ABCB7: variants seen among roughly 807,000 people sequenced by gnomAD.
ABCB7 encodes iron-sulfur clusters transporter ABCB7, mitochondrial.
In ABCB7, 7 loss-of-function variants were observed where a neutral mutation model predicts 54.4. The observed-to-expected ratio is 0.13, with a 90% CI of 0.07 to 0.24. The LOEUF is 0.24. Among genes scored for constraint, ABCB7 ranks in the 10% least tolerant of loss-of-function variants. ABCB7 has a pLI of 1.00. For synonymous variants in ABCB7, 218 were observed against 207.1 expected (o/e 1.05, Z -0.45); for missense variants, 356 against 570.4 (o/e 0.62, Z 3.83).
chrX:75,141,489 G>A (rs1209292985), intron 1 of ABCB7, among the ~76,000 whole-genome samples: 1 of 110,792 alleles, frequency 9.0e-6, no homozygotes, highest in Non-Finnish European at 1.9e-5. Context: ...TAGATCATAT[G>A]CATTTTCCCC....
intron 15 of ABCB7, among the ~76,000 whole-genome samples, chrX:75,059,687 T>A (rs2081267448): frequency 9.0e-6 from 1 of 111,351 alleles, no homozygotes; most frequent in African/African-American, 3.3e-5. Context: ...GTACTCTGAT[T>A]TGTCTAGACT....
chrX:75,136,986 G>A (rs764607202), intron 1 of ABCB7, among the ~76,000 whole-genome samples: 6 of 112,264 alleles, frequency 5.3e-5, no homozygotes, highest in Admixed American at 1.9e-4. Context: ...AAGACTTCAG[G>A]AGGAAGACAC....
chrX:75,109,702 G>GT (rs1247362248), intron 3 of ABCB7, among the ~76,000 whole-genome samples: 1 of 111,521 alleles, frequency 9.0e-6, no homozygotes, highest in East Asian at 2.8e-4. Context: ...TTGGAATGCT[G>GT]TTTTGTAAAA....
chrX:75,078,215 C>T (rs1467047183), intron 4 of ABCB7, among the ~76,000 whole-genome samples: 3 of 110,587 alleles, frequency 2.7e-5, no homozygotes, highest in Non-Finnish European at 5.7e-5. Flanking sequence ...GAAATGGTCT[C>T]CTCTCCCCTA....
chrX:75,138,709 A>C (rs1378180459), intron 1 of ABCB7, among the ~76,000 whole-genome samples: 1 of 111,665 alleles, frequency 9.0e-6, no homozygotes, highest in African/African-American at 3.3e-5. Context: ...CTTGCTGAAC[A>C]AGAATTTTCA....
intron 8 of ABCB7, 169 bp from the exon 9 acceptor site, chrX:75,071,852 T>C: frequency 2.6e-6 from 1 of 380,163 alleles, no homozygotes; most frequent in Non-Finnish European, 4.5e-6. Context: ...CAGTTTTCCA[T>C]AATGAATTGT....
chrX:75,122,492 A>ATTTGATATG (rs2081888445), intron 1 of ABCB7, among the ~76,000 whole-genome samples: 1 of 112,872 alleles, frequency 8.9e-6, no homozygotes, highest in Non-Finnish European at 1.9e-5. Context: ...GGGCATGCAG[A>ATTTGATATG]CATCTCTTTG....
At chrX:75,100,439 CCTTT>C (rs1385518830) in intron 3 of ABCB7, among the ~76,000 whole-genome samples, 5 of 110,956 alleles carry the variant, frequency 4.5e-5, no homozygotes, top group Non-Finnish European at 9.4e-5. Context: ...GGCCACACTG[CCTTT>C]CTTTTAGTTC....
chrX:75,150,974 C>A (rs766502880), intron 1 of ABCB7, among the ~76,000 whole-genome samples: 5 of 110,973 alleles, frequency 4.5e-5, no homozygotes, highest in African/African-American at 1.6e-4. Flanking sequence ...TAGAAACCCA[C>A]CAGCCAGCAA....
At chrX:75,109,207 A>G (rs964619217) in intron 3 of ABCB7, among the ~76,000 whole-genome samples, 6 of 112,258 alleles carry the variant, frequency 5.3e-5, no homozygotes, top group African/African-American at 1.6e-4. Context: ...TCATGGCCAA[A>G]TGTACTACAA....
At chrX:75,067,014 C>A (rs2081325137) in intron 12 of ABCB7, among the ~76,000 whole-genome samples, 2 of 111,620 alleles carry the variant, frequency 1.8e-5, no homozygotes, top group Admixed American at 1.9e-4. Flanking sequence ...TTGTTCACAT[C>A]TCTGTTTATT....
At chrX:75,100,578 A>T (rs2081631229) in intron 3 of ABCB7, among the ~76,000 whole-genome samples, 1 of 111,124 alleles carries the variant, frequency 9.0e-6, no homozygotes, top group South Asian at 3.8e-4. Flanking sequence ...CAACTAGTTG[A>T]CCAACAGCTC....
At chrX:75,087,115 C>A (rs2081503783) in intron 4 of ABCB7, among the ~76,000 whole-genome samples, 1 of 111,872 alleles carries the variant, frequency 8.9e-6, no homozygotes, top group African/African-American at 3.3e-5. Context: ...AAATCCACTG[C>A]TGCTGAAAGG....
Position 75,156,210 on chromosome X carries a change from G to C in ABCB7, c.63C>G (p.Arg21=). Residue 21 remains arginine, a synonymous_variant, in exon 1 of 16, where the codon CGC becomes CGG. Transcript: ENST00000373394. ...GCCGGATCAGAATCGCGGAGTGCCG[G>C]CGCTTTTCGAAAGCAGCCGCCGCGG... ...WAAAAAAFEK[R]RHSAILIRPL... The C allele has an allele frequency of 8.3e-7, 1 of 1,205,616 alleles. No individual in the cohort carries two copies. The highest frequency in any genetic ancestry group is 1.1e-6 in the Non-Finnish European group (1 of 892,501).
intron 9 of ABCB7, among the ~76,000 whole-genome samples, chrX:75,070,939 C>A (rs2081358936): frequency 9.7e-6 from 1 of 103,277 alleles, no homozygotes; most frequent in Non-Finnish European, 1.9e-5. Flanking sequence ...TTGAAGGAAA[C>A]AAAATGAAAC....
At chrX:75,116,511 G>A (rs898415081) in intron 1 of ABCB7, among the ~76,000 whole-genome samples, 7 of 111,456 alleles carry the variant, frequency 6.3e-5, no homozygotes, top group African/African-American at 2.0e-4. Flanking sequence ...CCTTGGTAAC[G>A]TTTCAAAAGT....
chrX:75,135,734 G>A (rs2082004645), intron 1 of ABCB7, among the ~76,000 whole-genome samples: 1 of 111,378 alleles, frequency 9.0e-6, no homozygotes, highest in African/African-American at 3.3e-5. Flanking sequence ...AAAACCACAT[G>A]ATCATCTCAA....
At chrX:75,099,853 T>C (rs2081624981) in intron 3 of ABCB7, among the ~76,000 whole-genome samples, 1 of 104,886 alleles carries the variant, frequency 9.5e-6, no homozygotes. Context: ...CTGGAAAAGG[T>C]ATTAAAAAGA....
intron 1 of ABCB7, among the ~76,000 whole-genome samples, chrX:75,144,950 G>T (rs1453893684): frequency 9.0e-6 from 1 of 110,527 alleles, no homozygotes; most frequent in Non-Finnish European, 1.9e-5. Flanking sequence ...CTGGGATGGG[G>T]TGCTGGCCAT....
Sources: gnomAD v4.1 joint callset for allele counts (sites outside exome capture counted in the v4.1 genomes callset) on GRCh38, gnomAD v4.1.1 for gene constraint, MANE v1.5 for transcripts, NCBI Gene and HGNC (gene_info 2026-07-23, HGNC 2026-07-21) for gene names.